Variants in FBXO5 observed in about 807,000 individuals in gnomAD.
FBXO5 encodes the protein F-box only protein 5.
In FBXO5, 8 loss-of-function variants were observed where a neutral mutation model predicts 43.3. That is an observed-to-expected ratio of 0.18 (90% confidence interval 0.11 to 0.33). The LOEUF (loss-of-function observed/expected upper bound fraction) is 0.33. Among genes scored for constraint, FBXO5 ranks in the 10% least tolerant of loss-of-function variants. The probability of loss-of-function intolerance (pLI) is 1.00; values close to 1 mark genes in which losing one functional copy is unlikely to be tolerated. For synonymous variants in FBXO5, 204 were observed against 193.7 expected (o/e 1.05, Z -0.44); for missense variants, 491 against 535.7 (o/e 0.92, Z 0.82).
At position 152,983,013 on chromosome 6, in the gene FBXO5, A is replaced by G; in HGVS notation, c.-54T>C. On this transcript the variant is annotated 5_prime_UTR_variant, in exon 1 of 5. Transcript: ENST00000229758. ...GGAGGAACCGCTCCGGGGGCAGCTGAGCAACCTGCCTGCTTCACAGACCTG... is the reference window on the plus strand; with the variant it reads ...GGAGGAACCGCTCCGGGGGCAGCTGGGCAACCTGCCTGCTTCACAGACCTG... 1 of 1,122,516 alleles carries G rather than the reference A, an allele frequency of 8.9e-7. No homozygotes were observed. The highest frequency in any genetic ancestry group is 1.2e-6 in the Non-Finnish European group (1 of 847,280). The allele number at this position is 1,122,516 out of a possible 1,614,324, so 69.5% of individuals were successfully genotyped here.
chr6:152,983,242 C>T (rs368298754), upstream of FBXO5: 1 of 335,504 alleles, frequency 3.0e-6, no homozygotes, highest in African/African-American at 2.1e-5. Flanking sequence ...ACCGGCTCCC[C>T]ACGTCCGGAA....
chr6:152,982,146 G>T (rs768165236), intron 1 of FBXO5, among the ~76,000 whole-genome samples: 27 of 152,318 alleles, frequency 1.8e-4, no homozygotes, highest in Non-Finnish European at 3.7e-4. Context: ...TTGGGAAAAA[G>T]TAACGTTTTT....
chr6:152,979,766 C>T (rs1778233150), intron 1 of FBXO5, among the ~76,000 whole-genome samples: 1 of 152,180 alleles, frequency 6.6e-6, no homozygotes, highest in African/African-American at 2.4e-5. Context: ...TTGCAGTTGA[C>T]ATTGGTGTCC....
intron 3 of FBXO5, chr6:152,972,802 T>G: frequency 2.0e-6 from 1 of 500,304 alleles, no homozygotes; most frequent in Non-Finnish European, 3.5e-6. Flanking sequence ...AATGGTCGAC[T>G]CTATCTGAGA....
intron 1 of FBXO5, among the ~76,000 whole-genome samples, chr6:152,980,242 A>G (rs957936852): frequency 2.6e-5 from 4 of 152,170 alleles, no homozygotes; most frequent in African/African-American, 9.7e-5. Flanking sequence ...CAGTTGAACC[A>G]TTTCACTTAT....
At chr6:152,976,325 C>T (rs987946620) in intron 1 of FBXO5, among the ~76,000 whole-genome samples, 4 of 152,162 alleles carry the variant, frequency 2.6e-5, no homozygotes, top group Non-Finnish European at 5.9e-5. Flanking sequence ...TTAAAGTCTA[C>T]CTGAATTCCC....
rs150735379 is a variant in FBXO5 at position 152,975,429 on chromosome 6, G to A, written c.296C>T (p.Pro99Leu). The A allele has an allele frequency of 4.1e-4, 668 of 1,613,722 alleles. No homozygotes were observed. Among genetic ancestry groups the A allele is most frequent in the Non-Finnish European group, 4.6e-4 (538 of 1,179,954 alleles). The change falls in exon 2 of 5, where the codon CCG becomes CTG. Residue 99 changes from proline (P) to leucine (L), a missense_variant. Pro to Leu is a moderately conservative substitution (Grantham distance 98). Transcript: ENST00000229758. ...TTGTACAATCCTAGGGCTCACAATC[G>A]GTGACCCAATACATGACAGCCTTTC... ...DYERLSCIGSPIVSPRIVQLE... is the reference protein window; with the variant it reads ...DYERLSCIGSLIVSPRIVQLE...
At chr6:152,983,240 C>T (rs1778296503), upstream of FBXO5, 2 of 337,700 alleles carry the variant, frequency 5.9e-6, no homozygotes, top group Non-Finnish European at 1.1e-5. Flanking sequence ...TTACCGGCTC[C>T]CCACGTCCGG....
intron 1 of FBXO5, among the ~76,000 whole-genome samples, chr6:152,978,376 TTGGGGGGGGGG>T (rs1778205078): frequency 1.8e-4 from 1 of 5,706 alleles, no homozygotes. Flanking sequence ...GCTTCATTTT[TTGGGGGGGGGG>T]GGGGGGCGGG....
chr6:152,983,022 C>T lies in FBXO5; in HGVS notation c.-63G>A, dbSNP rs1411127213. ...GCTCCGGGGGCAGCTGAGCAACCTG[C>T]CTGCTTCACAGACCTGTATCTCTTA... On this transcript the variant is annotated 5_prime_UTR_variant, in exon 1 of 5. Transcript: ENST00000229758. 3 of 1,012,988 alleles carry T rather than the reference C, an allele frequency of 3.0e-6. No homozygotes were observed. Among genetic ancestry groups the T allele is most frequent in the Admixed American group, 4.1e-5 (1 of 24,388 alleles). 62.7% of individuals were successfully genotyped at this position (1,012,988 alleles called of 1,614,324 possible).
intron 1 of FBXO5, among the ~76,000 whole-genome samples, chr6:152,977,705 C>T (rs2129094055): frequency 6.6e-6 from 1 of 152,186 alleles, no homozygotes; most frequent in Admixed American, 6.5e-5. Context: ...TATATATGAC[C>T]ACAATTTACA....
chr6:152,972,290 T>C lies in FBXO5; in HGVS notation c.1074A>G (p.Arg358=), dbSNP rs777299809. The change falls in exon 4 of 5, where the codon CGA becomes CGG. Residue 358 remains arginine, a synonymous_variant. Coordinates refer to ENST00000229758, the MANE Select transcript of FBXO5 (RefSeq NM_012177.5). ...AAATTACCTCAGAGAATTCATTGTG[T>C]CGACTATAAGTAGAACCTTTCTGAT... is the stretch of plus-strand genomic sequence containing the variant. The part of the protein sequence containing the change: ...QGDQKGSTYS[R]HNEFSEVAKT... 4 of 1,609,210 alleles carry C rather than the reference T, an allele frequency of 2.5e-6. No homozygotes were observed. Among genetic ancestry groups the C allele is most frequent in the Middle Eastern group, 1.7e-4 (1 of 6,058 alleles).
chr6:152,975,428 C>T lies in FBXO5; in HGVS notation c.297G>A (p.Pro99=), dbSNP rs745950636. 4 of 1,613,794 alleles carry T rather than the reference C, an allele frequency of 2.5e-6. No individual in the cohort carries two copies. The Admixed American group carries it at 5.0e-5, about 20-fold the overall frequency. Residue 99 remains proline, a synonymous_variant, in exon 2 of 5, where the codon CCG becomes CCA. Transcript: ENST00000229758. ...DYERLSCIGS[P]IVSPRIVQLE... The stretch of plus-strand genomic sequence containing the variant: ...GTTGTACAATCCTAGGGCTCACAAT[C>T]GGTGACCCAATACATGACAGCCTTT...
Position 152,982,938 on chromosome 6 carries a change from A to G in FBXO5, c.22T>C (p.Cys8Arg). 7.0e-7 allele frequency: 1 copy of G among 1,436,522 alleles called. No homozygotes were observed. Among genetic ancestry groups the G allele is most frequent in the Non-Finnish European group, 9.1e-7 (1 of 1,104,138 alleles). 89.0% of individuals were successfully genotyped at this position (1,436,522 alleles called of 1,614,324 possible). ...GAGCAGCGGGGTGGCCGTAGGGCGCAGCTGCAGGGGCGCCGGCTCATGCCA... is the reference window on the plus strand; with the variant it reads ...GAGCAGCGGGGTGGCCGTAGGGCGCGGCTGCAGGGGCGCCGGCTCATGCCA... MSRRPCS[C>R]ALRPPRCSCS... The change falls in exon 1 of 5, where the codon TGC (cysteine) becomes CGC (arginine). Residue 8 changes from cysteine (C) to arginine (R), a missense_variant. Transcript: ENST00000229758.
At chr6:152,972,993 G>T in intron 3 of FBXO5, 53 bp downstream of exon 3, 1 of 1,384,512 alleles carries the variant, frequency 7.2e-7, no homozygotes, top group Non-Finnish European at 1.0e-6. Context: ...TCTATTTCTA[G>T]AAGAGCACTA....
At position 152,975,326 on chromosome 6, in the gene FBXO5, T is replaced by C; in HGVS notation, c.399A>G (p.Ile133Met). The C allele has an allele frequency of 6.2e-7, 1 of 1,614,200 alleles. No individual in the cohort carries two copies. Residue 133 changes from isoleucine to methionine, a missense_variant, in exon 2 of 5, where the codon ATA becomes ATG. Coordinates refer to ENST00000229758, the MANE Select transcript of FBXO5 (RefSeq NM_012177.5). ...VQQTLNSTNE[I>M]EALETSRLYE... ...AAAGTCTACTGGTCTCTAGTGCTTC[T>C]ATTTCATTTGTACTATTAAGTGTCT...
rs770559808 is a variant in FBXO5, at chr6:152,973,062, G to A, written c.893C>T (p.Ala298Val). The A allele has an allele frequency of 1.2e-6, 2 of 1,613,550 alleles. No individual in the cohort carries two copies. Among genetic ancestry groups the A allele is most frequent in the Non-Finnish European group, 1.7e-6 (2 of 1,179,646 alleles). ...DKGAFQLYSK[A>V]IQRVTENNNK... Reference sequence around the variant, plus strand: ...AACACTTACGGTAACTCTTTGTATTGCTTTACTGTACAACTGGAATGCCCC... The same window carrying A: ...AACACTTACGGTAACTCTTTGTATTACTTTACTGTACAACTGGAATGCCCC... The change falls in exon 3 of 5, where the codon GCA becomes GTA. Residue 298 changes from alanine to valine, a missense_variant. Coordinates refer to ENST00000229758, the MANE Select transcript of FBXO5 (RefSeq NM_012177.5).
At chr6:152,981,426 G>A (rs534170226) in intron 1 of FBXO5, among the ~76,000 whole-genome samples, 1 of 152,252 alleles carries the variant, frequency 6.6e-6, no homozygotes, top group Admixed American at 6.5e-5. Context: ...CGACCATGTG[G>A]TCAACGTTAG....
chr6:152,979,438 T>G (rs1778229020), intron 1 of FBXO5, among the ~76,000 whole-genome samples: 1 of 152,240 alleles, frequency 6.6e-6, no homozygotes, highest in Admixed American at 6.5e-5. Context: ...TGCTATGATT[T>G]GAACTGTTGT....
Sources: gnomAD v4.1 joint callset for allele counts (sites outside exome capture counted in the v4.1 genomes callset) on GRCh38, gnomAD v4.1.1 for gene constraint, MANE v1.5 for transcripts, NCBI Gene and HGNC (gene_info 2026-07-23, HGNC 2026-07-21) for gene names.